Variants in MID1 observed in about 807,000 individuals in gnomAD.
MID1 encodes midline 1.
Under a neutral mutation model 40.4 loss-of-function variants are expected in MID1, and 7 were observed. That is an observed-to-expected ratio of 0.17 (90% CI 0.10 to 0.33). The LOEUF (loss-of-function observed/expected upper bound fraction) is 0.33, where lower values mean the gene tolerates loss of function less well. Among genes scored for constraint, MID1 ranks in the 10% least tolerant of loss-of-function variants. The probability of loss-of-function intolerance (pLI) is 1.00; values close to 1 mark genes in which losing one functional copy is unlikely to be tolerated. For synonymous variants in MID1, 229 were observed against 221.2 expected (o/e 1.04, Z -0.31); for missense variants, 367 against 558.5 (o/e 0.66, Z 3.46).
intron 1 of MID1, among the ~76,000 whole-genome samples, chrX:10,597,977 T>C (rs1248498919): frequency 9.0e-6 from 1 of 111,609 alleles, no homozygotes; most frequent in Non-Finnish European, 1.9e-5. Context: ...GAGGATGTTT[T>C]GAGGGCAGAT....
intron 1 of MID1, among the ~76,000 whole-genome samples, chrX:10,681,334 G>C (rs755828098): frequency 8.1e-5 from 9 of 111,397 alleles, no homozygotes; most frequent in Non-Finnish European, 1.5e-4. Flanking sequence ...TTTTTGGAAG[G>C]GCTCAGTGGG....
At chrX:10,597,561 C>A (rs776207571) in intron 1 of MID1, among the ~76,000 whole-genome samples, 1 of 111,974 alleles carries the variant, frequency 8.9e-6, no homozygotes, top group African/African-American at 3.2e-5. Flanking sequence ...AACAAAAAAC[C>A]TTACTCTTTT....
chrX:10,603,719 G>C lies in MID1; in HGVS notation c.-57+16571C>G, dbSNP rs1024786786. 2.7e-5 allele frequency among the ~76,000 whole-genome samples: 3 copies of C among 111,344 alleles called. No homozygotes were observed. The Admixed American group carries it at 2.9e-4, about 11-fold the overall frequency. On this transcript the variant is annotated intron_variant, in intron 1 of 9. Transcript: ENST00000317552. ...GCCAAACAGGGGTAAAAGCTATAGG[G>C]AGAGAGAGATACAGATTTCATCTAA...
chrX:10,634,077 G>C (rs1221799612), intron 1 of MID1, among the ~76,000 whole-genome samples: 1 of 111,212 alleles, frequency 9.0e-6, no homozygotes, highest in Non-Finnish European at 1.9e-5. Context: ...AGGATTGTGG[G>C]TTATTACAAG....
At chrX:10,522,980 T>C (rs1932765486) in intron 3 of MID1, 112 bp downstream of exon 3, 2 of 636,880 alleles carry the variant, frequency 3.1e-6, no homozygotes, top group African/African-American at 4.5e-5. Context: ...TTGCAAAATA[T>C]TTAATTTTAA....
At chrX:10,618,578 C>T (rs1213107208) in intron 1 of MID1, among the ~76,000 whole-genome samples, 1 of 111,952 alleles carries the variant, frequency 8.9e-6, no homozygotes, top group Non-Finnish European at 1.9e-5. Flanking sequence ...TGAAAAGTTG[C>T]CCATTCATTA....
intron 1 of MID1, among the ~76,000 whole-genome samples, chrX:10,817,514 C>CTCTTTCTTTCTTTCTTTCTT (rs57062100): frequency 8.7e-5 from 7 of 80,437 alleles, no homozygotes; most frequent in Admixed American, 1.4e-4. Context: ...TTCTTTTTTT[C>CTCTTTCTTTCTTTCTTTCTT]TCTTTCTTTC....
intron 2 of MID1, among the ~76,000 whole-genome samples, chrX:10,533,018 C>T (rs965593199): frequency 3.6e-5 from 4 of 110,460 alleles, no homozygotes; most frequent in Non-Finnish European, 7.6e-5. Flanking sequence ...GTGATCCACC[C>T]GCCTCAGCCT....
chrX:10,599,226 C>A (rs1443820661), intron 1 of MID1, among the ~76,000 whole-genome samples: 1 of 112,138 alleles, frequency 8.9e-6, no homozygotes, highest in African/African-American at 3.2e-5. Flanking sequence ...CGCTTTCACA[C>A]CCTCTACCAC....
chrX:10,474,663 G>C lies in MID1; in HGVS notation c.1101C>G (p.Ser367=). The change falls in exon 6 of 10, where the codon TCC becomes TCG. Residue 367 remains serine (S), a synonymous_variant. Transcript: ENST00000317552. The part of the protein sequence containing the change: ...DTFDTFALDF[S]REKKLLECLD... ...GACATTCTAGCAGTTTCTTCTCTCG[G>C]GAAAAATCTAAGGCAAAGGTGTCAA... is the stretch of plus-strand genomic sequence containing the variant. The C allele has an allele frequency of 1.7e-6, 2 of 1,209,169 alleles. No individual in the cohort carries two copies. Among genetic ancestry groups the C allele is most frequent in the Non-Finnish European group, 2.2e-6 (2 of 893,561 alleles).
intron 2 of MID1, among the ~76,000 whole-genome samples, chrX:10,527,686 G>A (rs1031368787): frequency 2.7e-5 from 3 of 111,035 alleles, no homozygotes; most frequent in African/African-American, 9.8e-5. Flanking sequence ...ATGTTCCTAG[G>A]AGCAGCCCTC....
chrX:10,795,097 C>T (rs1281372036), intron 1 of MID1, among the ~76,000 whole-genome samples: 1 of 111,200 alleles, frequency 9.0e-6, no homozygotes, highest in Non-Finnish European at 1.9e-5. Context: ...CAGTATTATC[C>T]CTGGCCTCCA....
chrX:10,763,260 C>T (rs989755361), intron 1 of MID1, among the ~76,000 whole-genome samples: 1 of 109,524 alleles, frequency 9.1e-6, no homozygotes, highest in African/African-American at 3.3e-5. Context: ...GTGTGCTGCA[C>T]CCATCAACCC....
chrX:10,661,614 T>G (rs1051812845), intron 1 of MID1, among the ~76,000 whole-genome samples: 6 of 111,438 alleles, frequency 5.4e-5, no homozygotes, highest in Non-Finnish European at 1.1e-4. Context: ...CACCCGGCAT[T>G]GTGTCTCCAA....
At chrX:10,634,081 T>C (rs1347440200) in intron 1 of MID1, among the ~76,000 whole-genome samples, 2 of 111,315 alleles carry the variant, frequency 1.8e-5, no homozygotes, top group Non-Finnish European at 3.8e-5. Context: ...TTGTGGGTTA[T>C]TACAAGACCC....
At chrX:10,795,853 C>T (rs898539343) in intron 1 of MID1, among the ~76,000 whole-genome samples, 16 of 112,136 alleles carry the variant, frequency 1.4e-4, no homozygotes, top group African/African-American at 5.2e-4. Context: ...ATAAAGACAA[C>T]CTAAAAAAAT....
In MID1 at chrX:10,474,743, T is replaced by C; in HGVS notation, c.1021A>G (p.Met341Val). Residue 341 changes from methionine (M) to valine (V), a missense_variant, in exon 6 of 10, where the codon ATG becomes GTG. Transcript: ENST00000317552. ...AGAACCTGGGAGGATGCAGTTGCCA[T>C]GGAGACTCTGTAATGCAAACAAAAC... ...TAKNITERVS[M>V]ATASSQVLIP... 1 of 1,208,823 alleles carries C rather than the reference T, an allele frequency of 8.3e-7. No individual in the cohort carries two copies. Among genetic ancestry groups the C allele is most frequent in the Non-Finnish European group, 1.1e-6 (1 of 893,192 alleles).
At chrX:10,536,666 A>G (rs1336622151) in intron 2 of MID1, among the ~76,000 whole-genome samples, 1 of 112,457 alleles carries the variant, frequency 8.9e-6, no homozygotes, top group Non-Finnish European at 1.9e-5. Flanking sequence ...TAGAAGGTAG[A>G]CCAGGAGTTC....
At chrX:10,818,807 A>T (rs1458007555) in intron 1 of MID1, among the ~76,000 whole-genome samples, 3 of 112,367 alleles carry the variant, frequency 2.7e-5, no homozygotes, top group Non-Finnish European at 5.6e-5. Flanking sequence ...TAGTCTTATC[A>T]AATGACTCTG....
Sources: gnomAD v4.1 joint callset for allele counts (sites outside exome capture counted in the v4.1 genomes callset) on GRCh38, gnomAD v4.1.1 for gene constraint, MANE v1.5 for transcripts, NCBI Gene and HGNC (gene_info 2026-07-23, HGNC 2026-07-21) for gene names.